The following ANKRD6 variants were observed in gnomAD, a reference collection of about 807,000 sequenced individuals.
ANKRD6 encodes the protein ankyrin repeat domain 6, also known as ankyrin repeat domain-containing protein 6.
ANKRD6 carries 56 observed loss-of-function variants against 82.3 expected under a neutral mutation model. The ratio of observed to expected loss-of-function variants is 0.68; its 90% CI spans 0.55 to 0.85. The LOEUF (loss-of-function observed/expected upper bound fraction) is 0.85, where lower values mean the gene tolerates loss of function less well. Among genes scored for constraint, ANKRD6 ranks in the 40% least tolerant of loss-of-function variants. ANKRD6 has a pLI of 0.00. For missense variants in ANKRD6, 852 were observed against 907.6 expected (o/e 0.94, Z 0.79); for synonymous variants, 347 against 352.1 (o/e 0.99, Z 0.16).
chr6:89,630,099 C>T (rs1293139634), intron 15 of ANKRD6, among the ~76,000 whole-genome samples: 1 of 152,194 alleles, frequency 6.6e-6, no homozygotes, highest in Non-Finnish European at 1.5e-5. Flanking sequence ...GCGGCATCAT[C>T]CTTAGGCATC....
intron 1 of ANKRD6, among the ~76,000 whole-genome samples, chr6:89,467,288 ATAT>A (rs1426994384): frequency 1.3e-5 from 2 of 152,194 alleles, no homozygotes; most frequent in East Asian, 3.8e-4. Context: ...GTGGATATTT[ATAT>A]TATAGTATAT....
intron 9 of ANKRD6, chr6:89,618,341 A>G: frequency 3.2e-6 from 2 of 615,936 alleles, no homozygotes; most frequent in East Asian, 5.5e-5. Context: ...ACATCGCAGG[A>G]CAGGGCCATG....
chr6:89,434,365 G>C (rs1770357861), intron 1 of ANKRD6, among the ~76,000 whole-genome samples: 1 of 152,232 alleles, frequency 6.6e-6, no homozygotes, highest in African/African-American at 2.4e-5. Flanking sequence ...TGTTAGGCCA[G>C]TGTAAGTGGA....
chr6:89,620,646 A>G (rs1189271708), intron 9 of ANKRD6, among the ~76,000 whole-genome samples: 1 of 152,224 alleles, frequency 6.6e-6, no homozygotes, highest in Non-Finnish European at 1.5e-5. Context: ...CCCCCTGCCA[A>G]TTAAGCCACC....
intron 2 of ANKRD6, among the ~76,000 whole-genome samples, chr6:89,570,627 T>C (rs1423557174): frequency 6.6e-6 from 1 of 152,198 alleles, no homozygotes; most frequent in South Asian, 2.1e-4. Flanking sequence ...TAGCCGCACC[T>C]CAAATAAGTG....
At chr6:89,525,676 G>A (rs1205739691) in intron 1 of ANKRD6, among the ~76,000 whole-genome samples, 1 of 152,182 alleles carries the variant, frequency 6.6e-6, no homozygotes, top group Non-Finnish European at 1.5e-5. Context: ...AGCAGGTTTA[G>A]GGGAAAAGCT....
chr6:89,565,062 A>C (rs1046144338), intron 1 of ANKRD6, among the ~76,000 whole-genome samples: 1 of 152,254 alleles, frequency 6.6e-6, no homozygotes, highest in Non-Finnish European at 1.5e-5. Context: ...AAACCACTTC[A>C]AATAGTGTAA....
intron 1 of ANKRD6, among the ~76,000 whole-genome samples, chr6:89,475,682 G>A (rs1775962184): frequency 6.6e-6 from 1 of 152,200 alleles, no homozygotes; most frequent in Non-Finnish European, 1.5e-5. Flanking sequence ...AGATAGATGA[G>A]GTGATTGTTC....
At chr6:89,583,143 G>T (rs1219208537) in intron 2 of ANKRD6, among the ~76,000 whole-genome samples, 1 of 152,210 alleles carries the variant, frequency 6.6e-6, no homozygotes, top group Admixed American at 6.5e-5. Context: ...ACTACTCACT[G>T]CTGTTGGTAT....
intron 3 of ANKRD6, among the ~76,000 whole-genome samples, chr6:89,600,180 A>G (rs998030306): frequency 6.6e-6 from 1 of 152,228 alleles, no homozygotes; most frequent in Non-Finnish European, 1.5e-5. Context: ...GAGTTTCACA[A>G]AGGAAAATTT....
In ANKRD6 at chr6:89,476,868, GAAC is replaced by G. The variant is rs144636964; in HGVS notation, c.-144+43498_-144+43500del. Among the ~76,000 whole-genome samples the G allele has an allele frequency of 1.6e-3, 243 of 152,240 alleles. 7 individuals are homozygous for G. In the East Asian group the frequency reaches 0.044, roughly 27 times the overall value. ...TATAGTCTGCAACCATGCTATTTGTGAACAACATTCATTTTTACATGTTTTAAA... is the reference window on the plus strand; with the variant it reads ...TATAGTCTGCAACCATGCTATTTGTGAACATTCATTTTTACATGTTTTAAA... On this transcript the variant is annotated intron_variant, in intron 1 of 15. Transcript: ENST00000339746.
intron 1 of ANKRD6, among the ~76,000 whole-genome samples, chr6:89,539,355 G>A (rs1784205489): frequency 6.6e-6 from 1 of 152,032 alleles, no homozygotes. Flanking sequence ...CATTGAAACA[G>A]TTAATATAAA....
At chr6:89,451,996 A>G (rs917524899) in intron 1 of ANKRD6, among the ~76,000 whole-genome samples, 2 of 152,122 alleles carry the variant, frequency 1.3e-5, no homozygotes, top group Non-Finnish European at 2.9e-5. Context: ...CAGGAGTTCA[A>G]AACCAGCCTG....
rs565526073 is a variant in ANKRD6, at chr6:89,445,690, C to T, written c.-144+12315C>T. 5.5e-4 allele frequency among the ~76,000 whole-genome samples: 84 copies of T among 152,042 alleles called. 2 individuals are homozygous for T. Among genetic ancestry groups the T allele is most frequent in the Non-Finnish European group, 1.8e-4 (12 of 68,022 alleles). On this transcript the variant is annotated intron_variant, in intron 1 of 15. Coordinates refer to ENST00000339746, the MANE Select transcript of ANKRD6 (RefSeq NM_001242809.2). ...CGATCTCCTGACCTTGTGATCTGCC[C>T]GCCTCGGCCTCCCAAAGTGCTGGGT...
chr6:89,463,275 A>C (rs1774427261), intron 1 of ANKRD6, among the ~76,000 whole-genome samples: 2 of 152,268 alleles, frequency 1.3e-5, no homozygotes, highest in South Asian at 4.1e-4. Context: ...AATTTTTTTA[A>C]AACAATTTTT....
At chr6:89,435,452 C>A (rs936938373) in intron 1 of ANKRD6, among the ~76,000 whole-genome samples, 3 of 152,200 alleles carry the variant, frequency 2.0e-5, no homozygotes, top group African/African-American at 7.2e-5. Flanking sequence ...TCCCAACAAG[C>A]ATTTCCACAA....
At chr6:89,612,871 G>T (rs747635667) in intron 6 of ANKRD6, among the ~76,000 whole-genome samples, 1 of 152,218 alleles carries the variant, frequency 6.6e-6, no homozygotes, top group Non-Finnish European at 1.5e-5. Flanking sequence ...TCACAAAGAA[G>T]CTGTATTTCC....
chr6:89,539,358 A>G lies in ANKRD6; in HGVS notation c.-143-27476A>G, dbSNP rs138045799. Among the ~76,000 whole-genome samples, 30 of 152,308 alleles carry G rather than the reference A, an allele frequency of 2.0e-4. No individual in the cohort carries two copies. The East Asian group carries it at 5.8e-3, about 29-fold the overall frequency. ...ATTGTTATTAAACATTGAAACAGTT[A>G]ATATAAATATCCCCAAGTAGTGTTG... On this transcript the variant is annotated intron_variant, in intron 1 of 15. Transcript: ENST00000339746.
At chr6:89,446,903 C>T (rs1772156946) in intron 1 of ANKRD6, among the ~76,000 whole-genome samples, 1 of 152,142 alleles carries the variant, frequency 6.6e-6, no homozygotes, top group Admixed American at 6.6e-5. Context: ...CTTCTTGCTG[C>T]TGCCATGTGA....
Sources: gnomAD v4.1 joint callset for allele counts (sites outside exome capture counted in the v4.1 genomes callset) on GRCh38, gnomAD v4.1.1 for gene constraint, MANE v1.5 for transcripts, NCBI Gene and HGNC (gene_info 2026-07-23, HGNC 2026-07-21) for gene names.